LCP1: variants seen among roughly 807,000 people sequenced by gnomAD.
LCP1 encodes the protein plastin-2.
Under a neutral mutation model 72.0 loss-of-function variants are expected in LCP1, and 23 were observed. The observed-to-expected ratio is 0.32, with a 90% CI of 0.23 to 0.45. The LOEUF (loss-of-function observed/expected upper bound fraction) is 0.45. Ranked by LOEUF, LCP1 falls within the 20% of genes least tolerant of loss-of-function variation. LCP1 has a pLI of 1.00. For synonymous variants in LCP1, 245 were observed against 275.4 expected, an observed-to-expected ratio of 0.89 and a Z score of 1.09; for missense variants, 571 against 748.3, an observed-to-expected ratio of 0.76 and a Z score of 2.76.
intron 6 of LCP1, chr13:46,153,213 G>T: frequency 3.6e-6 from 1 of 281,502 alleles, no homozygotes; most frequent in South Asian, 6.5e-5. Flanking sequence ...TGAGACTGAT[G>T]AGGCCTATAT....
Position 46,143,223 on chromosome 13 carries a change from A to G in LCP1, c.1368+67T>C, listed in dbSNP as rs923524870. 31 of 1,063,432 alleles carry G rather than the reference A, an allele frequency of 2.9e-5. No homozygotes were observed. The African/African-American group carries it at 4.9e-4, about 17-fold the overall frequency. The allele number at this position is 1,063,432 out of a possible 1,614,324, so 65.9% of individuals were successfully genotyped here. ...TCTACGTTTGGCTGCCTTATAAAGTATTTAGAGTGCTCTTGCAGGCTATGA... is the reference window on the plus strand; with the variant it reads ...TCTACGTTTGGCTGCCTTATAAAGTGTTTAGAGTGCTCTTGCAGGCTATGA... On this transcript the variant is annotated intron_variant, in intron 12 of 15. Coordinates refer to ENST00000323076, the MANE Select transcript of LCP1 (RefSeq NM_002298.5).
rs1270588069 is a variant in LCP1 at position 46,152,802 on chromosome 13, G to A, written c.717C>T (p.Asp239=). 2 of 1,613,754 alleles carry A rather than the reference G, an allele frequency of 1.2e-6. No individual in the cohort carries two copies. The highest frequency in any genetic ancestry group is 4.5e-5 in the East Asian group (2 of 44,896). ...TACCTTCATTTCTGCTGAGTTCAAT[G>A]TCAGCAAACAACCCAATCTTGATGA... ...WQVIKIGLFA[D]IELSRNEALI... The change falls in exon 7 of 16, where the codon GAC becomes GAT. Residue 239 remains aspartate, a synonymous_variant. Transcript: ENST00000323076.
chr13:46,156,541 T>C lies in LCP1; in HGVS notation c.388A>G (p.Ile130Val), dbSNP rs1321585705. 10 of 1,614,072 alleles carry C rather than the reference T, an allele frequency of 6.2e-6. No individual in the cohort carries two copies. In the East Asian group the frequency reaches 1.6e-4, roughly 25 times the overall value. ...EEEKYAFVNWINKALENDPDC... is the reference protein window; with the variant it reads ...EEEKYAFVNWVNKALENDPDC... ...GGATCATTTTCCAGGGCTTTGTTTA[T>C]CCAGTTGACAAAGGCATACTTTTCT... Residue 130 changes from isoleucine (I) to valine (V), a missense_variant, in exon 5 of 16, where the codon ATA (isoleucine) becomes GTA (valine). Ile to Val is a conservative substitution (Grantham distance 29). Coordinates refer to ENST00000323076, the MANE Select transcript of LCP1 (RefSeq NM_002298.5).
intron 1 of LCP1, among the ~76,000 whole-genome samples, chr13:46,166,356 G>A (rs960094473): frequency 2.6e-5 from 4 of 152,212 alleles, no homozygotes; most frequent in African/African-American, 4.8e-5. Context: ...TGCTGGGCTA[G>A]TCAGTATTTT....
At chr13:46,164,046 A>G (rs1331984239) in intron 1 of LCP1, among the ~76,000 whole-genome samples, 3 of 152,230 alleles carry the variant, frequency 2.0e-5, no homozygotes, top group African/African-American at 7.2e-5. Context: ...GCTATTCTTC[A>G]TTTTAGGTAA....
chr13:46,131,575 T>C, intron 14 of LCP1, among the ~76,000 whole-genome samples: 1 of 152,154 alleles, frequency 6.6e-6, no homozygotes, highest in East Asian at 1.9e-4. Context: ...CGCAGCACTA[T>C]TCATAATAGC....
Position 46,158,596 on chromosome 13 carries a change from T to C in LCP1, c.284A>G (p.Asn95Ser), listed in dbSNP as rs1396529596. The C allele has an allele frequency of 1.2e-6, 2 of 1,614,206 alleles. No homozygotes were observed. The highest frequency in any genetic ancestry group is 4.5e-5 in the East Asian group (2 of 44,882). The part of the protein sequence containing the change: ...DVAKTFRKAI[N>S]KKEGICAIGG... ...GATTGCACAAATCCCTTCCTTCTTA[T>C]TGATTGCTTTTCTAAAGGTCTTGGC... The change falls in exon 4 of 16, where the codon AAT (asparagine) becomes AGT (serine). Residue 95 changes from asparagine (N) to serine (S), a missense_variant. By Grantham distance (46) the Asn-to-Ser change is conservative. Transcript: ENST00000323076.
intron 1 of LCP1, among the ~76,000 whole-genome samples, chr13:46,163,346 G>A (rs541919580): frequency 5.3e-4 from 80 of 152,200 alleles, no homozygotes; most frequent in African/African-American, 1.8e-3. Flanking sequence ...CCCCAACCCC[G>A]TGCTCTCTGA....
At chr13:46,158,452 C>T in intron 4 of LCP1, 70 bp downstream of exon 4, 1 of 1,555,922 alleles carries the variant, frequency 6.4e-7, no homozygotes, top group South Asian at 1.2e-5. Context: ...GTTTACATCC[C>T]TTAGGTTTGA....
chr13:46,132,727 C>T (rs970446566), intron 14 of LCP1, among the ~76,000 whole-genome samples: 1 of 152,142 alleles, frequency 6.6e-6, no homozygotes. Flanking sequence ...CTGCTCAGCT[C>T]TCCAGACTGA....
intron 4 of LCP1, among the ~76,000 whole-genome samples, chr13:46,157,741 C>CTTT (rs548259648): frequency 1.7e-3 from 169 of 99,790 alleles, no homozygotes; most frequent in East Asian, 2.9e-3. Flanking sequence ...CATGACTTAT[C>CTTT]TTTTTTTTTT....
chr13:46,137,369 C>T (rs1000289456), intron 13 of LCP1, among the ~76,000 whole-genome samples: 6 of 152,140 alleles, frequency 3.9e-5, no homozygotes, highest in Non-Finnish European at 7.3e-5. Flanking sequence ...GAAACCCTGT[C>T]TCTACTAAAA....
rs1259604181 is a variant in LCP1 at position 46,127,487 on chromosome 13, A to G, written c.*104T>C. 2.1e-6 allele frequency: 3 copies of G among 1,417,798 alleles called. No individual in the cohort carries two copies. Among genetic ancestry groups the G allele is most frequent in the Non-Finnish European group, 2.9e-6 (3 of 1,030,154 alleles). 87.8% of individuals were successfully genotyped at this position (1,417,798 alleles called of 1,614,324 possible). On this transcript the variant is annotated 3_prime_UTR_variant, in exon 16 of 16. Transcript: ENST00000323076. ...ATATGTGCTTTTTGGAATCTTATAG[A>G]GTGTCACCAAGTTGAACTTTGGAAT...
intron 1 of LCP1, among the ~76,000 whole-genome samples, chr13:46,180,410 G>A (rs1210640075): frequency 6.6e-6 from 1 of 152,204 alleles, no homozygotes; most frequent in Non-Finnish European, 1.5e-5. Flanking sequence ...AGGGTTCAGA[G>A]ATAGAATTAT....
intron 6 of LCP1, 111 bp downstream of exon 6, chr13:46,154,694 G>T: frequency 1.2e-6 from 1 of 816,150 alleles, no homozygotes; most frequent in Non-Finnish European, 2.1e-6. Flanking sequence ...CCAGCCCAAA[G>T]CCTGGGTTTT....
At chr13:46,155,858 G>T (rs1033682099) in intron 5 of LCP1, among the ~76,000 whole-genome samples, 1 of 152,148 alleles carries the variant, frequency 6.6e-6, no homozygotes, top group Non-Finnish European at 1.5e-5. Flanking sequence ...ACAGTTTAAG[G>T]ACTTCTTCCA....
At chr13:46,132,519 A>G (rs1054040708) in intron 14 of LCP1, among the ~76,000 whole-genome samples, 2 of 152,216 alleles carry the variant, frequency 1.3e-5, no homozygotes, top group African/African-American at 4.8e-5. Flanking sequence ...CCAGCTTCAC[A>G]ATGTCAGCGA....
chr13:46,128,523 G>A (rs377127997), intron 15 of LCP1, among the ~76,000 whole-genome samples: 6 of 152,160 alleles, frequency 3.9e-5, no homozygotes, highest in East Asian at 1.9e-4. Flanking sequence ...GCTTGAACCC[G>A]GGAGGCGGAG....
chr13:46,134,185 T>TTGACAATAATGTCATCATTGG lies in LCP1; in HGVS notation c.1567_1568insCCAATGATGACATTATTGTCA (p.Val522_Asn523insThrAsnAspAspIleIleVal), dbSNP rs2045650117. 2 of 1,612,790 alleles carry TTGACAATAATGTCATCATTGG rather than the reference T, an allele frequency of 1.2e-6. No homozygotes were observed. The highest frequency in any genetic ancestry group is 1.7e-6 in the Non-Finnish European group (2 of 1,178,818). ...TTCCCTCAATGTTTCATTCACCCAGTTGACAATAATGTCATCATTGACCTT... is the reference window on the plus strand; with the variant it reads ...TTCCCTCAATGTTTCATTCACCCAGTTGACAATAATGTCATCATTGGTGACAATAATGTCATCATTGACCTT... On this transcript the variant is annotated inframe_insertion, in exon 14 of 16. Transcript: ENST00000323076.
Sources: gnomAD v4.1 joint callset for allele counts (sites outside exome capture counted in the v4.1 genomes callset) on GRCh38, gnomAD v4.1.1 for gene constraint, MANE v1.5 for transcripts, NCBI Gene and HGNC (gene_info 2026-07-23, HGNC 2026-07-21) for gene names.